The following IKZF4 variants were observed in gnomAD, a reference collection of about 807,000 sequenced individuals.
IKZF4 encodes IKAROS family zinc finger 4.
IKZF4 carries 11 observed loss-of-function variants against 47.7 expected under a neutral mutation model. The ratio of observed to expected loss-of-function variants is 0.23; its 90% CI spans 0.15 to 0.38. The LOEUF is 0.38. IKZF4 is among the 10% of genes least tolerant of loss of function. IKZF4 has a pLI of 1.00. For missense variants in IKZF4, 557 were observed against 784.9 expected (o/e 0.71, Z 3.47); for synonymous variants, 298 against 299.4 (o/e 1.00, Z 0.05).
chr12:56,014,905 GTGTTCT>G (rs986991997), intron 2 of IKZF4, among the ~76,000 whole-genome samples: 5 of 152,216 alleles, frequency 3.3e-5, no homozygotes, highest in African/African-American at 1.2e-4. Context: ...CAGGCAACTT[GTGTTCT>G]TGTTCTTGTT....
At chr12:56,011,228 CAGAG>C (rs1353327545) in intron 1 of IKZF4, 5 of 152,188 alleles carry the variant, frequency 3.3e-5, no homozygotes, top group South Asian at 2.1e-4. Context: ...TTTCTATAAA[CAGAG>C]AGCTATACTT....
At chr12:56,007,905 CG>C (rs1171484552) in intron 1 of IKZF4, among the ~76,000 whole-genome samples, 1 of 146,198 alleles carries the variant, frequency 6.8e-6, no homozygotes, top group African/African-American at 2.5e-5. Context: ...GGAAGATGGC[CG>C]GGGGAGTTTG....
upstream of IKZF4, chr12:56,018,005 G>T (rs1193739826): frequency 3.7e-6 from 2 of 535,156 alleles, no homozygotes; most frequent in Non-Finnish European, 6.2e-6. Flanking sequence ...TCTTCTTTAG[G>T]ATAGTATCAG....
At chr12:56,021,030 C>T, upstream of IKZF4, 1 of 1,040,530 alleles carries the variant, frequency 9.6e-7, no homozygotes, top group Non-Finnish European at 1.2e-6. Flanking sequence ...ATCTCTCTCT[C>T]TCTCTCTTGC....
At chr12:56,009,977 C>G (rs1002838976) in intron 1 of IKZF4, 2 of 152,160 alleles carry the variant, frequency 1.3e-5, no homozygotes, top group Admixed American at 6.5e-5. Context: ...CCCTGCCCCC[C>G]CACACACAGT....
Position 56,035,282 on chromosome 12 carries a change from G to A in IKZF4, c.1709G>A (p.Arg570Gln), listed in dbSNP as rs1288235334. The change falls in exon 8 of 8, where the codon CGG becomes CAG. Residue 570 changes from arginine (R) to glutamine (Q), a missense_variant. Physicochemically the swap from Arg to Gln is conservative, Grantham distance 43 (BLOSUM62 1). This residue lies in a region of IKZF4 where 22 missense variants were observed against 65.2 expected (regional missense o/e 0.34). Transcript: ENST00000547167. This position sits in a 1 kb window ranked among gnomAD's most constrained non-coding sequence, Gnocchi z 6.1. ...CNICGYHSQD[R>Q]YEFSSHIVRG... is the part of the protein sequence containing the mutation. ...ATCTGTGGTTATCACAGCCAGGACC[G>A]GTACGAATTCTCTTCCCACATTGTC... 1.2e-5 allele frequency: 19 copies of A among 1,613,756 alleles called. No homozygotes were observed. Among genetic ancestry groups the A allele is most frequent in the Non-Finnish European group, 1.5e-5 (18 of 1,179,872 alleles).
chr12:56,028,500 T>C (rs1265633002), intron 5 of IKZF4, among the ~76,000 whole-genome samples: 2 of 132,378 alleles, frequency 1.5e-5, no homozygotes, highest in Admixed American at 1.7e-4. Flanking sequence ...GCCATTGCAC[T>C]CTAGCCTGGG....
intron 1 of IKZF4, 59 bp downstream of exon 1, chr12:56,021,639 G>T: frequency 6.4e-7 from 1 of 1,555,964 alleles, no homozygotes; most frequent in Non-Finnish European, 8.7e-7. Context: ...GGGCTAGGGA[G>T]CCAATTCAGT....
At chr12:56,010,316 C>T (rs1891187906) in intron 1 of IKZF4, 1 of 152,158 alleles carries the variant, frequency 6.6e-6, no homozygotes, top group African/African-American at 2.4e-5. Flanking sequence ...ACAAAGGCAT[C>T]TAAGAAAGGG....
intron 7 of IKZF4, among the ~76,000 whole-genome samples, chr12:56,033,578 G>A (rs538824131): frequency 5.9e-5 from 9 of 152,132 alleles, no homozygotes; most frequent in African/African-American, 2.2e-4. Flanking sequence ...GTGGTGGCGG[G>A]CACCTGTAGT....
At chr12:56,012,971 G>A (rs1891521609) in intron 2 of IKZF4, among the ~76,000 whole-genome samples, 1 of 152,102 alleles carries the variant, frequency 6.6e-6, no homozygotes, top group African/African-American at 2.4e-5. Context: ...CTCCAGCCCA[G>A]ACAACATAGT....
intron 5 of IKZF4, among the ~76,000 whole-genome samples, chr12:56,029,239 C>T (rs558460909): frequency 5.9e-5 from 9 of 152,342 alleles, no homozygotes; most frequent in African/African-American, 1.7e-4. Flanking sequence ...ATGTTTGGAA[C>T]AGTGCTGGGA....
chr12:56,014,074 C>T (rs530593375), intron 2 of IKZF4, among the ~76,000 whole-genome samples: 1 of 151,968 alleles, frequency 6.6e-6, no homozygotes, highest in South Asian at 2.1e-4. Context: ...TCACTTGAAC[C>T]CGGGATGCAG....
rs201396607 is a variant in IKZF4 at position 56,035,056 on chromosome 12, G to A, written c.1483G>A (p.Ala495Thr). 2.3e-5 allele frequency: 37 copies of A among 1,579,780 alleles called. No homozygotes were observed. Among genetic ancestry groups the A allele is most frequent in the African/African-American group, 6.7e-5 (5 of 74,310 alleles). ...IVVGRHSPAY[A>T]KEDPKPQEGL... is the part of the protein sequence containing the mutation. ...GGTGGGCCGGCACAGTCCTGCCTAC[G>A]CCAAAGAGGACCCCAAGCCACAGGA... Residue 495 changes from alanine (A) to threonine (T), a missense_variant, in exon 8 of 8, where the codon GCC becomes ACC. Transcript: ENST00000547167. The surrounding 1 kb of genome is among the most constrained non-coding windows in gnomAD (Gnocchi z 6.1).
chr12:56,008,253 T>C (rs1434527743), intron 1 of IKZF4, among the ~76,000 whole-genome samples: 1 of 151,924 alleles, frequency 6.6e-6, no homozygotes, highest in Non-Finnish European at 1.5e-5. Context: ...GAGTGAGAAG[T>C]GCACAGTGTA....
chr12:56,033,051 G>A, intron 6 of IKZF4, 139 bp from the exon 7 acceptor site: 1 of 988,234 alleles, frequency 1.0e-6, no homozygotes, highest in Non-Finnish European at 1.5e-6. Context: ...TTTAGGTAGG[G>A]TAAACAGAGC....
At chr12:56,019,723 G>C (rs1293943417), upstream of IKZF4, among the ~76,000 whole-genome samples, 1 of 152,184 alleles carries the variant, frequency 6.6e-6, no homozygotes, top group Non-Finnish European at 1.5e-5. Flanking sequence ...AGGCAAATGA[G>C]AAACTACAAA....
Position 56,025,141 on chromosome 12 carries a change from C to A in IKZF4, c.269C>A (p.Pro90His). Residue 90 changes from proline to histidine, a missense_variant, in exon 3 of 8, where the codon CCT becomes CAT. Pro to His is a moderately conservative substitution (Grantham distance 77, BLOSUM62 -2). Coordinates refer to ENST00000547167, the MANE Select transcript of IKZF4 (RefSeq NM_022465.4). The stretch of plus-strand genomic sequence containing the variant: ...ACCCCCAACAGCCAGCACTCTTCTC[C>A]TAGCCGCTCACTCAGTGGTAAGTGT... ...VSTPNSQHSS[P>H]SRSLSANSIK... 6.3e-7 allele frequency: 1 copy of A among 1,596,592 alleles called. No individual in the cohort carries two copies.
rs1490711920 is a variant in IKZF4 at position 56,026,742 on chromosome 12, T to C, written c.287-39T>C. The C allele has an allele frequency of 7.7e-6, 11 of 1,430,740 alleles. No homozygotes were observed. In the African/African-American group the frequency reaches 1.6e-4, roughly 21 times the overall value. The allele number at this position is 1,430,740 out of a possible 1,614,324, so 88.6% of individuals were successfully genotyped here. On this transcript the variant is annotated intron_variant, in intron 3 of 7. Transcript: ENST00000547167. ...TTCTGGCCTGGGAGCAGCTTCCCCC[T>C]TTGCCTCTCTCTATTCTAAACACCA...
Sources: gnomAD v4.1 joint callset for allele counts (sites outside exome capture counted in the v4.1 genomes callset) on GRCh38, gnomAD v4.1.1 for gene constraint, gnomAD v4.1.1 regional missense constraint, Gnocchi (gnomAD v3.1) non-coding constraint, MANE v1.5 for transcripts, NCBI Gene and HGNC (gene_info 2026-07-23, HGNC 2026-07-21) for gene names.